Variants in SYNPR observed in about 807,000 individuals in gnomAD.
SYNPR encodes synaptoporin.
Under a neutral mutation model 32.9 loss-of-function variants are expected in SYNPR, and 23 were observed. The observed-to-expected ratio is 0.70, with a 90% CI of 0.50 to 0.99. The LOEUF (loss-of-function observed/expected upper bound fraction) is 0.99. SYNPR is among the 50% of genes least tolerant of loss of function. SYNPR has a pLI of 0.00. For synonymous variants in SYNPR, 146 were observed against 135.9 expected (o/e 1.07, Z -0.52); for missense variants, 318 against 349.3 (o/e 0.91, Z 0.71).
chr3:63,328,771 A>C, intron 2 of SYNPR, among the ~76,000 whole-genome samples: 1 of 152,132 alleles, frequency 6.6e-6, no homozygotes, highest in East Asian at 1.9e-4. Context: ...TGGCTAAATA[A>C]ACTTGCCACA....
chr3:63,380,669 C>G (rs1280765328), intron 2 of SYNPR, among the ~76,000 whole-genome samples: 1 of 152,004 alleles, frequency 6.6e-6, no homozygotes, highest in Admixed American at 6.6e-5. Flanking sequence ...TACTGGCAAA[C>G]CGAATCCAGC....
intron 2 of SYNPR, among the ~76,000 whole-genome samples, chr3:63,402,033 G>A (rs549330931): frequency 4.0e-5 from 6 of 151,420 alleles, no homozygotes; most frequent in Non-Finnish European, 8.8e-5. Context: ...ATAGGCCCCT[G>A]CTGTTCATCC....
intron 2 of SYNPR, among the ~76,000 whole-genome samples, chr3:63,430,607 T>C (rs1476582456): frequency 6.6e-6 from 1 of 152,204 alleles, no homozygotes; most frequent in East Asian, 1.9e-4. Context: ...GAGGATTTAT[T>C]GTGACACAGG....
At chr3:63,217,659 C>T in the SYNPR span, among the ~76,000 whole-genome samples, 1 of 151,368 alleles carries the variant, frequency 6.6e-6, no homozygotes, top group Admixed American at 6.6e-5. Context: ...ATGCAGAAAT[C>T]ACCCGTCTTC....
At chr3:63,494,435 G>GTATATATATATACGTA (rs1701324176) in intron 3 of SYNPR, among the ~76,000 whole-genome samples, 1 of 69,850 alleles carries the variant, frequency 1.4e-5, no homozygotes, top group African/African-American at 5.8e-5. Context: ...ATATATATAC[G>GTATATATATATACGTA]TATATATATA....
intron 2 of SYNPR, among the ~76,000 whole-genome samples, chr3:63,394,394 G>T (rs945433876): frequency 1.3e-5 from 2 of 152,126 alleles, no homozygotes; most frequent in African/African-American, 4.8e-5. Flanking sequence ...TCTTCCAAGG[G>T]ATTATTACTA....
chr3:63,224,181 G>A (rs954107066), upstream of SYNPR, among the ~76,000 whole-genome samples: 4 of 152,194 alleles, frequency 2.6e-5, no homozygotes, highest in African/African-American at 9.6e-5. Context: ...AGGCAAGCCA[G>A]CATTATCGCC....
Position 63,565,184 on chromosome 3 carries a change from A to G in SYNPR, c.408+8443A>G, listed in dbSNP as rs538143074. On this transcript the variant is annotated intron_variant, in intron 4 of 5. Transcript: ENST00000478300. ...CTTGGCTTCCTTTCTCAGACAGACC[A>G]GGGGTTTTCAACTCCTGTCCTATGG... 2.6e-5 allele frequency among the ~76,000 whole-genome samples: 4 copies of G among 152,288 alleles called. No homozygotes were observed. The South Asian group carries it at 6.2e-4, about 24-fold the overall frequency.
intron 3 of SYNPR, among the ~76,000 whole-genome samples, chr3:63,271,306 A>G (rs951003619): frequency 9.2e-5 from 14 of 152,162 alleles, no homozygotes; most frequent in Admixed American, 7.9e-4. Context: ...GATTATAACC[A>G]TGAGTGCCAA....
At chr3:63,560,351 A>G (rs1284537323) in intron 4 of SYNPR, among the ~76,000 whole-genome samples, 2 of 152,204 alleles carry the variant, frequency 1.3e-5, no homozygotes, top group Admixed American at 6.5e-5. Flanking sequence ...AAATCCCACC[A>G]TGATGAAGCT....
intron 2 of SYNPR, among the ~76,000 whole-genome samples, chr3:63,312,725 G>A (rs1475623355): frequency 6.6e-6 from 1 of 151,828 alleles, no homozygotes; most frequent in Non-Finnish European, 1.5e-5. Flanking sequence ...TTCCATGGTG[G>A]CACAGCCCCA....
chr3:63,494,490 T>TATATATAC (rs1239553863), intron 3 of SYNPR, among the ~76,000 whole-genome samples: 139 of 135,006 alleles, frequency 1.0e-3, no homozygotes, highest in Middle Eastern at 3.8e-3. Context: ...TATATATACA[T>TATATATAC]ATATATACAT....
intron 2 of SYNPR, among the ~76,000 whole-genome samples, chr3:63,408,142 AAAAG>A (rs199743513): frequency 0.038 from 1,081 of 28,446 alleles, 73 homozygotes; most frequent in Non-Finnish European, 0.048. Context: ...TAGAAGAAAG[AAAAG>A]AAAGAAAGAA....
At chr3:63,393,774 G>C (rs905442557) in intron 2 of SYNPR, among the ~76,000 whole-genome samples, 2 of 152,048 alleles carry the variant, frequency 1.3e-5, no homozygotes, top group African/African-American at 4.8e-5. Flanking sequence ...GCCTCTCAAA[G>C]CACTGGGATT....
At chr3:63,220,203 G>C in the SYNPR span, among the ~76,000 whole-genome samples, 1 of 152,180 alleles carries the variant, frequency 6.6e-6, no homozygotes, top group African/African-American at 2.4e-5. Context: ...CTGTAATCCA[G>C]GTTAGAGGTG....
chr3:63,322,858 G>C (rs143761619), intron 2 of SYNPR, among the ~76,000 whole-genome samples: 84 of 152,144 alleles, frequency 5.5e-4, no homozygotes, highest in African/African-American at 2.0e-3. Context: ...AAATTTTATG[G>C]AAGAGACTAC....
intron 2 of SYNPR, among the ~76,000 whole-genome samples, chr3:63,262,254 G>C (rs138404748): frequency 6.6e-6 from 1 of 152,254 alleles, no homozygotes; most frequent in East Asian, 1.9e-4. Flanking sequence ...GGAAGAAATA[G>C]GTGGAAAAGC....
At chr3:63,324,262 G>T (rs12488925) in intron 2 of SYNPR, among the ~76,000 whole-genome samples, 31,510 of 152,038 alleles carry the variant, frequency 0.21, 3,798 homozygotes, top group South Asian at 0.36. Context: ...TATTAAGAAA[G>T]CAGAGAACCT....
intron 2 of SYNPR, among the ~76,000 whole-genome samples, chr3:63,301,134 T>C (rs934327092): frequency 2.6e-5 from 4 of 152,122 alleles, no homozygotes; most frequent in South Asian, 4.1e-4. Context: ...AGCTCCCTCA[T>C]TGGAAAAATG....
Sources: allele counts gnomAD v4.1 joint callset (sites outside exome capture counted in the v4.1 genomes callset), GRCh38; gene constraint gnomAD v4.1.1; transcripts MANE v1.5; gene names NCBI Gene and HGNC (gene_info 2026-07-23, HGNC 2026-07-21).